FNIP1: variants seen among roughly 807,000 people sequenced by gnomAD.
FNIP1 encodes folliculin-interacting protein 1.
A neutral mutation model predicts 124.5 loss-of-function variants in FNIP1; 40 were observed. That is an observed-to-expected ratio of 0.32 (90% CI 0.25 to 0.42). FNIP1 has a LOEUF of 0.42. Among genes scored for constraint, FNIP1 ranks in the 10% least tolerant of loss-of-function variants. The pLI is 1.00. For synonymous variants in FNIP1, 472 were observed against 470.6 expected (o/e 1.00, Z -0.04); for missense variants, 1,176 against 1,403.7 (o/e 0.84, Z 2.59).
At chr5:131,691,733 T>C (rs536545618) in intron 11 of FNIP1, among the ~76,000 whole-genome samples, 1 of 152,304 alleles carries the variant, frequency 6.6e-6, no homozygotes. Flanking sequence ...ATGCATCAAT[T>C]TTTTGAAAAA....
At chr5:131,729,618 C>T (rs912584630) in intron 3 of FNIP1, among the ~76,000 whole-genome samples, 1 of 152,212 alleles carries the variant, frequency 6.6e-6, no homozygotes, top group African/African-American at 2.4e-5. Flanking sequence ...CACTCTGTCA[C>T]CCAGGGTGGG....
intron 11 of FNIP1, among the ~76,000 whole-genome samples, chr5:131,690,897 C>A (rs152789): frequency 0.64 from 97,224 of 152,016 alleles, 33,008 homozygotes; most frequent in Non-Finnish European, 0.77. Flanking sequence ...GAAATAAATC[C>A]ACTATTTTCC....
chr5:131,777,274 CAA>C (rs1771842368), intron 1 of FNIP1, among the ~76,000 whole-genome samples: 1 of 150,348 alleles, frequency 6.7e-6, no homozygotes, highest in African/African-American at 2.4e-5. Flanking sequence ...TTTTTTTGAA[CAA>C]GAGAAATTTT....
chr5:131,793,313 G>A (rs750410043), intron 1 of FNIP1, among the ~76,000 whole-genome samples: 44 of 152,216 alleles, frequency 2.9e-4, no homozygotes, highest in Non-Finnish European at 5.7e-4. Flanking sequence ...GGGATTACAA[G>A]TATAAGCCAC....
chr5:131,782,322 G>T (rs908965678), intron 1 of FNIP1, among the ~76,000 whole-genome samples: 12 of 152,224 alleles, frequency 7.9e-5, no homozygotes, highest in South Asian at 4.1e-4. Context: ...GCTGAGACGG[G>T]GGGATCTCTT....
At chr5:131,781,597 A>T (rs932751611) in intron 1 of FNIP1, among the ~76,000 whole-genome samples, 5 of 152,238 alleles carry the variant, frequency 3.3e-5, no homozygotes, top group African/African-American at 1.2e-4. Context: ...GGATGACAGC[A>T]CATCTGCTGA....
chr5:131,675,563 T>A (rs905991818), intron 13 of FNIP1, among the ~76,000 whole-genome samples: 4 of 152,286 alleles, frequency 2.6e-5, no homozygotes, highest in Non-Finnish European at 5.9e-5. Context: ...CATTAATACA[T>A]ACAAAATAGG....
At chr5:131,659,539 G>T (rs566344461) in intron 15 of FNIP1, among the ~76,000 whole-genome samples, 1 of 152,206 alleles carries the variant, frequency 6.6e-6, no homozygotes, top group Non-Finnish European at 1.5e-5. Flanking sequence ...TGTGCTCGGT[G>T]AGGATCTTCA....
At chr5:131,704,404 T>C in intron 9 of FNIP1, 138 bp from the exon 10 acceptor site, 2 of 667,332 alleles carry the variant, frequency 3.0e-6, no homozygotes, top group East Asian at 2.9e-5. Flanking sequence ...ACCAATTGTA[T>C]ATCTCTTTAA....
At chr5:131,754,945 T>C (rs1860231) in intron 1 of FNIP1, among the ~76,000 whole-genome samples, 31 of 152,230 alleles carry the variant, frequency 2.0e-4, no homozygotes, top group African/African-American at 7.5e-4. Flanking sequence ...CTGAAGACTA[T>C]ATGGGGAATA....
At chr5:131,684,784 T>C (rs1768214869) in intron 11 of FNIP1, among the ~76,000 whole-genome samples, 1 of 152,192 alleles carries the variant, frequency 6.6e-6, no homozygotes. Context: ...AATGACAGTG[T>C]TTCCTCAGAG....
intron 5 of FNIP1, among the ~76,000 whole-genome samples, chr5:131,718,189 GA>G (rs542460464): frequency 0.01 from 1,254 of 121,336 alleles, 8 homozygotes; most frequent in African/African-American, 0.03. Context: ...GCTCCATCTC[GA>G]AAAAAAAAAA....
chr5:131,745,577 T>A lies in FNIP1; in HGVS notation c.93-887A>T, dbSNP rs183651208. ...ACAATCTCTTTAGAACACAGTTTTT[T>A]AAAAATTTATATATAAATTTAGTAT... is the stretch of plus-strand genomic sequence containing the variant. On this transcript the variant is annotated intron_variant, in intron 1 of 17. Transcript: ENST00000510461. Among the ~76,000 whole-genome samples, 22 of 152,174 alleles carry A rather than the reference T, an allele frequency of 1.4e-4. No homozygotes were observed. In the South Asian group the frequency reaches 1.7e-3, roughly 11 times the overall value.
chr5:131,697,512 G>T (rs907281206), intron 11 of FNIP1, among the ~76,000 whole-genome samples: 9 of 152,064 alleles, frequency 5.9e-5, no homozygotes, highest in African/African-American at 2.2e-4. Context: ...CCTATCTAGG[G>T]TAATGAAGTT....
rs114657052 is a variant in FNIP1 at position 131,713,538 on chromosome 5, A to C, written c.623-2877T>G. On this transcript the variant is annotated intron_variant, in intron 6 of 17. Transcript: ENST00000510461. ...ATTATTTTTAAATTATTAAACACTC[A>C]TCCATTTTTATGTTAAAGAGAATAC... Among the ~76,000 whole-genome samples the C allele has an allele frequency of 7.5e-3, 1,139 of 152,362 alleles. 16 individuals carry two copies. Among genetic ancestry groups the C allele is most frequent in the African/African-American group, 0.027 (1,106 of 41,576 alleles).
chr5:131,720,474 A>G (rs927234929), intron 3 of FNIP1, among the ~76,000 whole-genome samples: 1 of 152,248 alleles, frequency 6.6e-6, no homozygotes, highest in Non-Finnish European at 1.5e-5. Context: ...ACAGGTAACA[A>G]CAGCAAAAAC....
At chr5:131,725,984 G>C (rs1388416913) in intron 3 of FNIP1, among the ~76,000 whole-genome samples, 1 of 152,172 alleles carries the variant, frequency 6.6e-6, no homozygotes, top group African/African-American at 2.4e-5. Context: ...CTGTTCATGT[G>C]ATGGATTACA....
intron 1 of FNIP1, chr5:131,796,447 G>A (rs1209873209): frequency 2.7e-5 from 6 of 219,986 alleles, no homozygotes; most frequent in South Asian, 9.0e-5. Context: ...GGAGAACTTC[G>A]CGGCCCGGAG....
At chr5:131,754,812 T>C (rs948885037) in intron 1 of FNIP1, among the ~76,000 whole-genome samples, 2 of 152,132 alleles carry the variant, frequency 1.3e-5, no homozygotes, top group African/African-American at 4.8e-5. Flanking sequence ...AATCAGAAAC[T>C]TGAAGAACTG....
Sources: allele counts gnomAD v4.1 joint callset (sites outside exome capture counted in the v4.1 genomes callset), GRCh38; gene constraint gnomAD v4.1.1; transcripts MANE v1.5; gene names NCBI Gene and HGNC (gene_info 2026-07-23, HGNC 2026-07-21).